Variants in MAP7D1 observed in about 807,000 individuals in gnomAD.
MAP7D1 encodes the protein MAP7 domain containing 1, also known as MAP7 domain-containing protein 1.
A neutral mutation model predicts 97.5 loss-of-function variants in MAP7D1; 30 were observed. The ratio of observed to expected loss-of-function variants is 0.31; its 90% confidence interval spans 0.23 to 0.42. MAP7D1 has a LOEUF of 0.42. Ranked by LOEUF, MAP7D1 falls within the 10% of genes least tolerant of loss-of-function variation. The probability of loss-of-function intolerance (pLI) is 1.00; values close to 1 mark genes in which losing one functional copy is unlikely to be tolerated. For missense variants in MAP7D1, 1,184 were observed against 1,179.5 expected (o/e 1.00, Z -0.06); for synonymous variants, 536 against 477.1 (o/e 1.12, Z -1.61).
At chr1:36,175,509 A>G (rs1644606097) in intron 6 of MAP7D1, among the ~76,000 whole-genome samples, 1 of 152,208 alleles carries the variant, frequency 6.6e-6, no homozygotes, top group African/African-American at 2.4e-5. Context: ...CCCAGAGTTG[A>G]GCCAACCAAG....
At position 36,173,424 on chromosome 1, in the gene MAP7D1, C is replaced by T. The variant is rs1452561128; in HGVS notation, c.685C>T (p.Gln229Ter). 1 of 1,614,110 alleles carries T rather than the reference C, an allele frequency of 6.2e-7. No homozygotes were observed. The highest frequency in any genetic ancestry group is 1.1e-5 in the South Asian group (1 of 91,062). ...VKKTWAEIRQ[Q>*]RWSWAGALHH... ...GAAGACGTGGGCCGAAATCCGGCAG[C>T]AGCGCTGGTCCTGGGCAGGGGCCCT... is the stretch of plus-strand genomic sequence containing the variant. The change falls in exon 5 of 17, where the codon CAG becomes TAG. Residue 229 changes from glutamine to a stop codon, truncating the protein, a stop_gained. Coordinates refer to ENST00000474796, the MANE Select transcript of MAP7D1 (RefSeq NM_001388490.1). LOFTEE classifies it high-confidence loss of function.
At chr1:36,177,560 G>T (rs1331977469) in intron 8 of MAP7D1, 1 of 644,724 alleles carries the variant, frequency 1.6e-6, no homozygotes, top group Non-Finnish European at 3.0e-6. Flanking sequence ...CCTGCTGAAT[G>T]AATGGACCTG....
intron 1 of MAP7D1, among the ~76,000 whole-genome samples, chr1:36,170,131 C>G (rs1200123609): frequency 6.6e-6 from 1 of 152,204 alleles, no homozygotes; most frequent in Non-Finnish European, 1.5e-5. Flanking sequence ...GGGAAACAAG[C>G]CCTCTCTTCC....
Position 36,174,839 on chromosome 1 carries a change from G to A in MAP7D1, c.740-59G>A, listed in dbSNP as rs1644595749. 4 of 977,924 alleles carry A rather than the reference G, an allele frequency of 4.1e-6. No individual in the cohort carries two copies. The East Asian group carries it at 1.0e-4, about 25-fold the overall frequency. The allele number at this position is 977,924 out of a possible 1,614,324, so 60.6% of individuals were successfully genotyped here. A position where few individuals can be genotyped will look rare whatever the true frequency, so the allele number is the denominator to read the frequency against. ...GGAGCATCCTGCATGGAAGGCCTCG[G>A]TGCCCCCCACTGGCTCCTGCCGGGC... On this transcript the variant is annotated intron_variant, in intron 5 of 16. Transcript: ENST00000474796.
chr1:36,180,157 G>A, intron 16 of MAP7D1, 90 bp downstream of exon 16: 2 of 1,610,768 alleles, frequency 1.2e-6, no homozygotes, highest in Non-Finnish European at 1.7e-6. Context: ...GGCTCTGCCA[G>A]GCACCCTCTC....
chr1:36,176,954 C>G lies in MAP7D1; in HGVS notation c.1379+112C>G. 2.1e-6 allele frequency: 2 copies of G among 944,480 alleles called. No homozygotes were observed. Among genetic ancestry groups the G allele is most frequent in the East Asian group, 2.7e-5 (1 of 37,348 alleles). 58.5% of individuals were successfully genotyped at this position (944,480 alleles called of 1,614,324 possible). A position where few individuals can be genotyped will look rare whatever the true frequency, so the allele number is the denominator to read the frequency against. On this transcript the variant is annotated intron_variant, in intron 8 of 16. Coordinates refer to ENST00000474796, the MANE Select transcript of MAP7D1 (RefSeq NM_001388490.1). This position sits in a 1 kb window ranked among gnomAD's most constrained non-coding sequence, Gnocchi z 6.1. ...AATGCAACTTCCCTGAGGGCAGATT[C>G]TCTCTGTTTTGTTTGAGACAGGATC... is the stretch of plus-strand genomic sequence containing the variant.
chr1:36,165,421 C>A (rs1570134968), intron 1 of MAP7D1, among the ~76,000 whole-genome samples: 1 of 151,424 alleles, frequency 6.6e-6, no homozygotes, highest in African/African-American at 2.4e-5. Context: ...CCTTGCCTGG[C>A]CTTTATTTAA....
Position 36,180,639 on chromosome 1 carries a change from G to A in MAP7D1, c.*381G>A. 1 of 289,128 alleles carries A rather than the reference G, an allele frequency of 3.5e-6. No homozygotes were observed. Among genetic ancestry groups the A allele is most frequent in the Non-Finnish European group, 6.7e-6 (1 of 150,274 alleles). 17.9% of individuals were successfully genotyped at this position (289,128 alleles called of 1,614,324 possible). A position where few individuals can be genotyped will look rare whatever the true frequency, so the allele number is the denominator to read the frequency against. On this transcript the variant is annotated 3_prime_UTR_variant, in exon 17 of 17. Transcript: ENST00000474796. ...CCTCTGCGTGGAGAGGGTGGGTGCAGGAGGCAGACCCTCCCCCCAAAGCCC... is the reference window on the plus strand; with the variant it reads ...CCTCTGCGTGGAGAGGGTGGGTGCAAGAGGCAGACCCTCCCCCCAAAGCCC...
chr1:36,156,332 T>G lies in MAP7D1; in HGVS notation c.-86T>G. The G allele has an allele frequency of 1.7e-6, 2 of 1,193,650 alleles. No individual in the cohort carries two copies. The highest frequency in any genetic ancestry group is 2.2e-6 in the Non-Finnish European group (2 of 899,698). 73.9% of individuals were successfully genotyped at this position (1,193,650 alleles called of 1,614,324 possible). On this transcript the variant is annotated 5_prime_UTR_variant, in exon 1 of 17. Coordinates refer to ENST00000474796, the MANE Select transcript of MAP7D1 (RefSeq NM_001388490.1). ...TTGCCGGGCCGGGCCGGGCCGGGCG[T>G]GATGCGCCGCGGGACCCCTGTCCTG... is the stretch of plus-strand genomic sequence containing the variant.
chr1:36,179,910 T>G lies in MAP7D1; in HGVS notation c.2355T>G (p.Asn785Lys). ...AGGAGTTGCCAGCGTCCCTGGTGAA[T>G]GGCCTGCAGCCTCTCCCAGCACACC... ...PSKELPASLV[N>K]GLQPLPAHQE... is the part of the protein sequence containing the mutation. Residue 785 changes from asparagine (N) to lysine (K), a missense_variant, in exon 16 of 17, where the codon AAT becomes AAG. By Grantham distance (94) the Asn-to-Lys change is moderately conservative. Transcript: ENST00000474796. 6.2e-7 allele frequency: 1 copy of G among 1,614,042 alleles called. No homozygotes were observed. The highest frequency in any genetic ancestry group is 8.5e-7 in the Non-Finnish European group (1 of 1,179,960).
At chr1:36,163,587 G>C (rs1257937494) in intron 1 of MAP7D1, among the ~76,000 whole-genome samples, 2 of 152,028 alleles carry the variant, frequency 1.3e-5, no homozygotes, top group African/African-American at 4.8e-5. Flanking sequence ...TTGTATTCAG[G>C]GTCAATAGTG....
chr1:36,177,999 A>G lies in MAP7D1; in HGVS notation c.1506A>G (p.Ala502=). The G allele has an allele frequency of 1.2e-6, 2 of 1,612,970 alleles. No individual in the cohort carries two copies. The highest frequency in any genetic ancestry group is 8.5e-7 in the Non-Finnish European group (1 of 1,179,270). Reference sequence around the variant, plus strand: ...CACCGTCCCCCCGAGGCACCACTGCATCCCCCAAGGGGCGGGTTCGGAGGA... The same window carrying G: ...CACCGTCCCCCCGAGGCACCACTGCGTCCCCCAAGGGGCGGGTTCGGAGGA... ...PKPPSPRGTT[A]SPKGRVRRKE... is the part of the protein sequence containing the mutation. The change falls in exon 9 of 17, where the codon GCA becomes GCG. Residue 502 remains alanine, a synonymous_variant. Transcript: ENST00000474796.
chr1:36,166,247 G>A (rs1644472985), intron 1 of MAP7D1, among the ~76,000 whole-genome samples: 1 of 152,152 alleles, frequency 6.6e-6, no homozygotes, highest in African/African-American at 2.4e-5. Flanking sequence ...GAAAAACTGA[G>A]CAGGGGGAGA....
intron 15 of MAP7D1, 34 bp from the exon 16 acceptor site, chr1:36,179,840 G>A: frequency 6.3e-7 from 1 of 1,588,640 alleles, no homozygotes; most frequent in Non-Finnish European, 8.6e-7. Flanking sequence ...TTCCTGGGAG[G>A]TGAGGTGCTG....
At chr1:36,178,232 G>C (rs528151472) in intron 9 of MAP7D1, 31 bp downstream of exon 9, 1 of 1,510,338 alleles carries the variant, frequency 6.6e-7, no homozygotes, top group African/African-American at 1.4e-5. Context: ...GGGGTGGGCC[G>C]AGCGAGAGAA....
chr1:36,165,745 T>C (rs1159347511), intron 1 of MAP7D1, among the ~76,000 whole-genome samples: 1 of 150,312 alleles, frequency 6.7e-6, no homozygotes, highest in Non-Finnish European at 1.5e-5. Flanking sequence ...TTTTTTTTTT[T>C]TTGGAGACGG....
Position 36,176,158 on chromosome 1 carries a change from G to A in MAP7D1, c.851-41G>A. ...CCCTTGCCTCTTCCTGCCTCCTACGGCCCCCACGGTGACCGGCTTCGCCTG... is the reference window on the plus strand; with the variant it reads ...CCCTTGCCTCTTCCTGCCTCCTACGACCCCCACGGTGACCGGCTTCGCCTG... On this transcript the variant is annotated intron_variant, in intron 6 of 16. Coordinates refer to ENST00000474796, the MANE Select transcript of MAP7D1 (RefSeq NM_001388490.1). This position sits in a 1 kb window ranked among gnomAD's most constrained non-coding sequence, Gnocchi z 6.1. 1 of 1,595,572 alleles carries A rather than the reference G, an allele frequency of 6.3e-7. No homozygotes were observed. Among genetic ancestry groups the A allele is most frequent in the South Asian group, 1.1e-5 (1 of 90,410 alleles).
intron 1 of MAP7D1, among the ~76,000 whole-genome samples, chr1:36,161,579 A>C (rs1484215323): frequency 6.6e-6 from 1 of 152,214 alleles, no homozygotes; most frequent in Non-Finnish European, 1.5e-5. Flanking sequence ...TAAATGAACT[A>C]ATGAGTTTAA....
chr1:36,171,576 A>T lies in MAP7D1; in HGVS notation c.455A>T (p.Tyr152Phe). 6.2e-7 allele frequency: 1 copy of T among 1,614,086 alleles called. No individual in the cohort carries two copies. Among genetic ancestry groups the T allele is most frequent in the Non-Finnish European group, 8.5e-7 (1 of 1,179,978 alleles). ...GAGCGGCGAGAAGAGCGGGCCAAGTACCTGGGTGAGTGAGCAGGAAGCCTC... is the reference window on the plus strand; with the variant it reads ...GAGCGGCGAGAAGAGCGGGCCAAGTTCCTGGGTGAGTGAGCAGGAAGCCTC... ...AKERREERAK[Y>F]LAAKKAVWLE... Residue 152 changes from tyrosine (Y) to phenylalanine (F), a missense_variant, in exon 3 of 17, where the codon TAC (tyrosine) becomes TTC (phenylalanine). Tyr to Phe is a conservative substitution (Grantham distance 22). Coordinates refer to ENST00000474796, the MANE Select transcript of MAP7D1 (RefSeq NM_001388490.1).
Sources: gnomAD v4.1 joint callset for allele counts (sites outside exome capture counted in the v4.1 genomes callset) on GRCh38, gnomAD v4.1.1 for gene constraint, Gnocchi (gnomAD v3.1) non-coding constraint, MANE v1.5 for transcripts, NCBI Gene and HGNC (gene_info 2026-07-23, HGNC 2026-07-21) for gene names.